Variants in KCNQ2 observed in about 807,000 individuals in gnomAD.
The protein encoded by KCNQ2 is potassium voltage-gated channel subfamily Q member 2.
A neutral mutation model predicts 84.8 loss-of-function variants in KCNQ2; 14 were observed. The ratio of observed to expected loss-of-function variants is 0.17; its 90% confidence interval spans 0.11 to 0.26. KCNQ2 has a LOEUF of 0.26. Among genes scored for constraint, KCNQ2 ranks in the 10% least tolerant of loss-of-function variants. The probability of loss-of-function intolerance (pLI) is 1.00; values close to 1 mark genes in which losing one functional copy is unlikely to be tolerated. For missense variants in KCNQ2, 788 were observed against 1,254.0 expected (o/e 0.63, Z 5.61); for synonymous variants, 599 against 554.1 (o/e 1.08, Z -1.14).
At position 63,402,496 on chromosome 20, in the gene KCNQ2, G is replaced by A. The variant is rs1481189573; in HGVS notation, c.*4148C>T. The A allele has an allele frequency of 2.0e-5, 3 of 152,388 alleles. No homozygotes were observed. Among genetic ancestry groups the A allele is most frequent in the African/African-American group, 7.2e-5 (3 of 41,464 alleles). 9.4% of individuals were successfully genotyped at this position (152,388 alleles called of 1,614,324 possible). A position where few individuals can be genotyped will look rare whatever the true frequency, so the allele number is the denominator to read the frequency against. ...GCCCAGCTCTTTCTAGAGAGAAGGG[G>A]GTGTCCTTTATGGGGGTCCCTGACT... On this transcript the variant is annotated 3_prime_UTR_variant, in exon 17 of 17. Transcript: ENST00000359125.
Position 63,407,570 on chromosome 20 carries a change from G to A in KCNQ2, c.1888-195C>T, listed in dbSNP as rs3746361. Among the ~76,000 whole-genome samples the A allele has an allele frequency of 1.3e-5, 2 of 148,736 alleles. No individual in the cohort carries two copies. Among genetic ancestry groups the A allele is most frequent in the Admixed American group, 1.3e-4 (2 of 15,110 alleles). On this transcript the variant is annotated intron_variant, in intron 16 of 16. Coordinates refer to ENST00000359125, the MANE Select transcript of KCNQ2 (RefSeq NM_172107.4). This position sits in a 1 kb window ranked among gnomAD's most constrained non-coding sequence, Gnocchi z 7.2. The stretch of plus-strand genomic sequence containing the variant: ...CCGGGCTGCTCCCAGGAAATGGGGG[G>A]GCCCAGGCTGGTTCCAGGAAACAGG...
rs752558859 is a variant in KCNQ2, at chr20:63,408,572, G to A, written c.1764-36C>T. On this transcript the variant is annotated intron_variant, in intron 15 of 16. Transcript: ENST00000359125. The surrounding 1 kb of genome is among the most constrained non-coding windows in gnomAD (Gnocchi z 5.0). ...CAGAGACCCCAAAGCATGAGTTCGGGTGGGTGCAGCAGGGCCCCTGCCCTC... is the reference window on the plus strand; with the variant it reads ...CAGAGACCCCAAAGCATGAGTTCGGATGGGTGCAGCAGGGCCCCTGCCCTC... 1.6e-5 allele frequency: 25 copies of A among 1,606,490 alleles called. No individual in the cohort carries two copies. Among genetic ancestry groups the A allele is most frequent in the Middle Eastern group, 3.3e-4 (2 of 6,054 alleles).
At chr20:63,445,661 G>T (rs1156695765) in intron 2 of KCNQ2, 2 of 218,226 alleles carry the variant, frequency 9.2e-6, no homozygotes, top group Non-Finnish European at 1.5e-5. Context: ...GTCTGAGCTG[G>T]CAGGGCTGCC....
chr20:63,424,298 CA>C, intron 10 of KCNQ2, 92 bp from the exon 11 acceptor site: 4 of 1,373,036 alleles, frequency 2.9e-6, no homozygotes, highest in Non-Finnish European at 4.1e-6. Context: ...TCCCATGGGT[CA>C]GGGGCTGCAG....
chr20:63,434,243 G>A lies in KCNQ2; in HGVS notation c.1024-340C>T, dbSNP rs79995195. On this transcript the variant is annotated intron_variant, in intron 7 of 16. Transcript: ENST00000359125. ...CCCTGGCGGGTATCACCTGTCCTGG[G>A]GGTTACCTTCCTGACCTCCTGGTTG... The A allele has an allele frequency of 2.9e-3, 971 of 334,094 alleles. 8 individuals carry two copies. The highest frequency in any genetic ancestry group is 0.019 in the African/African-American group (914 of 47,216). The allele number at this position is 334,094 out of a possible 1,614,324, so 20.7% of individuals were successfully genotyped here. A position where few individuals can be genotyped will look rare whatever the true frequency, so the allele number is the denominator to read the frequency against.
chr20:63,466,117 C>A (rs6010943), intron 1 of KCNQ2, among the ~76,000 whole-genome samples: 1 of 151,986 alleles, frequency 6.6e-6, no homozygotes, highest in African/African-American at 2.4e-5. Flanking sequence ...GCTGGGAACA[C>A]GCCGGAAGCC....
At chr20:63,424,597 G>C (rs543067637) in intron 10 of KCNQ2, 1 of 237,178 alleles carries the variant, frequency 4.2e-6, no homozygotes, top group East Asian at 9.4e-5. Flanking sequence ...ATCAATTTTC[G>C]AGACAGAGTG....
Position 63,406,320 on chromosome 20 carries a change from C to A in KCNQ2, c.*324G>T, listed in dbSNP as rs1368770209. ...CGCCTGTTGCCACGCTGGCAACACCCCGTCATCACTCCCGCCCCTCCTCAC... is the reference window on the plus strand; with the variant it reads ...CGCCTGTTGCCACGCTGGCAACACCACGTCATCACTCCCGCCCCTCCTCAC... On this transcript the variant is annotated 3_prime_UTR_variant, in exon 17 of 17. Transcript: ENST00000359125. 4 of 329,536 alleles carry A rather than the reference C, an allele frequency of 1.2e-5. No individual in the cohort carries two copies. The highest frequency in any genetic ancestry group is 1.7e-5 in the Non-Finnish European group (3 of 177,032). The allele number at this position is 329,536 out of a possible 1,614,324, so 20.4% of individuals were successfully genotyped here. A position where few individuals can be genotyped will look rare whatever the true frequency, so the allele number is the denominator to read the frequency against.
intron 12 of KCNQ2, 101 bp from the exon 13 acceptor site, chr20:63,415,227 G>A (rs921410781): frequency 2.8e-5 from 30 of 1,085,208 alleles, no homozygotes; most frequent in African/African-American, 2.6e-4. Flanking sequence ...CCGCCCATGC[G>A]CCGGAGGGAG....
At chr20:63,467,392 A>G (rs902717188) in intron 1 of KCNQ2, among the ~76,000 whole-genome samples, 2 of 152,096 alleles carry the variant, frequency 1.3e-5, no homozygotes, top group African/African-American at 4.8e-5. Context: ...TCATTCCTAC[A>G]GGGCTGAGGC....
intron 11 of KCNQ2, chr20:63,422,782 C>T (rs753004183): frequency 6.6e-6 from 1 of 152,442 alleles, no homozygotes; most frequent in Non-Finnish European, 1.5e-5. Flanking sequence ...GAGGCTGAGA[C>T]GAGAACGTGG....
chr20:63,461,893 C>T (rs80128761), intron 1 of KCNQ2, among the ~76,000 whole-genome samples: 35 of 131,624 alleles, frequency 2.7e-4, no homozygotes, highest in Middle Eastern at 5.6e-3. Context: ...GGAGGCTGCA[C>T]CTACCCCAGG....
chr20:63,411,794 ACT>A, intron 15 of KCNQ2: 1 of 641,332 alleles, frequency 1.6e-6, no homozygotes. Context: ...TACTGGGGTG[ACT>A]CTCTCGGAGG....
At chr20:63,430,605 G>A (rs1380612522) in intron 9 of KCNQ2, among the ~76,000 whole-genome samples, 1 of 152,252 alleles carries the variant, frequency 6.6e-6, no homozygotes, top group African/African-American at 2.4e-5. Flanking sequence ...CACCCGACAG[G>A]TAAAGGCCCT....
At chr20:63,468,679 C>G (rs1417362697) in intron 1 of KCNQ2, among the ~76,000 whole-genome samples, 1 of 152,250 alleles carries the variant, frequency 6.6e-6, no homozygotes, top group Non-Finnish European at 1.5e-5. Flanking sequence ...CCCCTAAAAC[C>G]CTGGACCCCA....
chr20:63,447,455 T>G (rs1413884392), intron 1 of KCNQ2: 1 of 154,372 alleles, frequency 6.5e-6, no homozygotes, highest in African/African-American at 2.4e-5. Flanking sequence ...CTCCCGCCAG[T>G]GACTTCCACC....
intron 11 of KCNQ2, 67 bp from the exon 12 acceptor site, chr20:63,419,739 C>T: frequency 7.1e-7 from 1 of 1,413,152 alleles, no homozygotes; most frequent in Non-Finnish European, 9.9e-7. Flanking sequence ...AGCAGGGAAA[C>T]TGAGGCACTG....
In KCNQ2 at chr20:63,424,214, C is replaced by T. The variant is rs1446436235; in HGVS notation, c.1218-8G>A. The T allele has an allele frequency of 1.9e-6, 3 of 1,554,208 alleles. No individual in the cohort carries two copies. The highest frequency in any genetic ancestry group is 3.9e-5 in the Admixed American group (2 of 51,052). On this transcript the variant is annotated splice_region_variant and splice_polypyrimidine_tract_variant and intron_variant, in intron 10 of 16. Transcript: ENST00000359125. ...TCCGGCGGGGGGTCCTTCCTTCAAA[C>T]AGAAGCAACAGAGAGTTAGTGGCCG...
chr20:63,414,013 C>T lies in KCNQ2; in HGVS notation c.1631+75G>A. On this transcript the variant is annotated intron_variant, in intron 14 of 16. Coordinates refer to ENST00000359125, the MANE Select transcript of KCNQ2 (RefSeq NM_172107.4). The surrounding 1 kb of genome is among the most constrained non-coding windows in gnomAD (Gnocchi z 6.6). The stretch of plus-strand genomic sequence containing the variant: ...GCGGCTCTGTCCAGCACCATGAGCA[C>T]CGGCAGCAGGCAGGACCACCGAGCG... The T allele has an allele frequency of 1.8e-6, 2 of 1,120,312 alleles. No individual in the cohort carries two copies. Among genetic ancestry groups the T allele is most frequent in the Non-Finnish European group, 2.7e-6 (2 of 733,668 alleles). 69.4% of individuals were successfully genotyped at this position (1,120,312 alleles called of 1,614,324 possible).
Sources: gnomAD v4.1 joint callset for allele counts (sites outside exome capture counted in the v4.1 genomes callset) on GRCh38, gnomAD v4.1.1 for gene constraint, Gnocchi (gnomAD v3.1) non-coding constraint, MANE v1.5 for transcripts, NCBI Gene and HGNC (gene_info 2026-07-23, HGNC 2026-07-21) for gene names.